TNFAIP8: variants seen among roughly 807,000 people sequenced by gnomAD.
TNFAIP8 encodes the protein TNF alpha induced protein 8.
Under a neutral mutation model 13.3 loss-of-function variants are expected in TNFAIP8, and 7 were observed. The ratio of observed to expected loss-of-function variants is 0.52; its 90% CI spans 0.30 to 0.99. The LOEUF (loss-of-function observed/expected upper bound fraction) is 0.99. TNFAIP8 is among the 50% of genes least tolerant of loss of function. The probability of loss-of-function intolerance (pLI) is 0.07; values close to 1 mark genes in which losing one functional copy is unlikely to be tolerated. For synonymous variants in TNFAIP8, 94 were observed against 87.6 expected, an observed-to-expected ratio of 1.07 and a Z score of -0.41; for missense variants, 258 against 236.9, an observed-to-expected ratio of 1.09 and a Z score of -0.58.
chr5:119,384,425 T>C (rs1426863762), intron 1 of TNFAIP8, among the ~76,000 whole-genome samples: 1 of 152,000 alleles, frequency 6.6e-6, no homozygotes. Flanking sequence ...GGAGGTTGCA[T>C]TGAGCCGAGA....
rs760278894 is a variant in TNFAIP8, at chr5:119,393,012, C to T, written c.228C>T (p.Ile76=). The T allele has an allele frequency of 3.7e-6, 6 of 1,613,070 alleles. No homozygotes were observed. Among genetic ancestry groups the T allele is most frequent in the South Asian group, 2.2e-5 (2 of 90,962 alleles). Residue 76 remains isoleucine (I), a synonymous_variant, in exon 2 of 2, where the codon ATC becomes ATT. Coordinates refer to ENST00000504771, the MANE Select transcript of TNFAIP8 (RefSeq NM_014350.4). ...KEAEKIIKNL[I]KTVIKLAILY... ...CAGAGAAGATCATCAAGAACCTCATCAAGACAGTCATCAAGCTGGCCATTC... is the reference window on the plus strand; with the variant it reads ...CAGAGAAGATCATCAAGAACCTCATTAAGACAGTCATCAAGCTGGCCATTC...
chr5:119,348,735 C>T (rs1751001272), intron 1 of TNFAIP8, among the ~76,000 whole-genome samples: 1 of 151,986 alleles, frequency 6.6e-6, no homozygotes, highest in Non-Finnish European at 1.5e-5. Context: ...ACAAAATTAG[C>T]CAGGCAGGGT....
At chr5:119,299,959 G>A (rs777788441) in intron 1 of TNFAIP8, among the ~76,000 whole-genome samples, 17 of 152,216 alleles carry the variant, frequency 1.1e-4, no homozygotes, top group African/African-American at 3.4e-4. Flanking sequence ...TAGGCCCGTC[G>A]GAAAAGCGCA....
intron 1 of TNFAIP8, among the ~76,000 whole-genome samples, chr5:119,325,446 T>G (rs1171809866): frequency 6.6e-6 from 1 of 152,098 alleles, no homozygotes; most frequent in Non-Finnish European, 1.5e-5. Context: ...CTTAATTTGT[T>G]TATTTATTTA....
upstream of TNFAIP8, among the ~76,000 whole-genome samples, chr5:119,352,825 A>G (rs73237292): frequency 2.0e-5 from 3 of 152,028 alleles, no homozygotes; most frequent in African/African-American, 7.2e-5. Flanking sequence ...AACCAAGGTG[A>G]CTTGGAAAGT....
chr5:119,291,374 A>G (rs1748981652), intron 1 of TNFAIP8, among the ~76,000 whole-genome samples: 1 of 152,202 alleles, frequency 6.6e-6, no homozygotes, highest in Non-Finnish European at 1.5e-5. Context: ...CATAATTTAC[A>G]GTTAAGCATT....
Position 119,392,799 on chromosome 5 carries a change from T to C in TNFAIP8, c.32-17T>C. 2 of 1,493,736 alleles carry C rather than the reference T, an allele frequency of 1.3e-6. No homozygotes were observed. Among genetic ancestry groups the C allele is most frequent in the Non-Finnish European group, 1.8e-6 (2 of 1,122,374 alleles). 92.5% of individuals were successfully genotyped at this position (1,493,736 alleles called of 1,614,324 possible). On this transcript the variant is annotated splice_polypyrimidine_tract_variant and intron_variant, in intron 1 of 1. Transcript: ENST00000504771. ...TTACTAATTGTTAATTCTTTTCCTC[T>C]CTTTTTTTTTTTTTAGTGGCCACAG...
chr5:119,381,321 G>T (rs995999125), intron 1 of TNFAIP8, among the ~76,000 whole-genome samples: 6 of 152,182 alleles, frequency 3.9e-5, no homozygotes, highest in African/African-American at 1.4e-4. Context: ...ATGGCAGATT[G>T]TGTGAGCTCA....
rs550554604 is a variant in TNFAIP8, at chr5:119,276,847, G to A, written c.1+7940G>A. 6.1e-4 allele frequency among the ~76,000 whole-genome samples: 93 copies of A among 152,228 alleles called. 2 individuals are homozygous for A. Among genetic ancestry groups the A allele is most frequent in the African/African-American group, 2.0e-3 (84 of 41,534 alleles). On this transcript the variant is annotated intron_variant, in intron 1 of 1. Transcript: ENST00000274456. ...TGGTACATTTCAGTCTATAACAATC[G>A]CCTTTATAAAGGATATTAGTTGTCC...
chr5:119,387,616 T>C (rs1752731381), intron 1 of TNFAIP8, among the ~76,000 whole-genome samples: 1 of 152,250 alleles, frequency 6.6e-6, no homozygotes, highest in African/African-American at 2.4e-5. Flanking sequence ...AAAGGACTTT[T>C]TTTTCCTTCT....
chr5:119,357,610 T>G (rs893151976), intron 1 of TNFAIP8, among the ~76,000 whole-genome samples: 5 of 151,924 alleles, frequency 3.3e-5, no homozygotes, highest in Non-Finnish European at 5.9e-5. Context: ...ATCCACAGTC[T>G]TCCCTCCTCG....
exon 1 of TNFAIP8, chr5:119,268,856 A>G (rs1748169658): frequency 1.4e-6 from 1 of 701,160 alleles, no homozygotes; most frequent in African/African-American, 1.8e-5. Flanking sequence ...GGCGCCGCCA[A>G]ACAGCCCAGC....
intron 1 of TNFAIP8, among the ~76,000 whole-genome samples, chr5:119,276,988 T>G (rs1748474548): frequency 6.6e-6 from 1 of 152,202 alleles, no homozygotes; most frequent in East Asian, 1.9e-4. Context: ...ATGATAAAAT[T>G]TAATTTATAA....
At chr5:119,285,356 TCCAAAGC>T in intron 1 of TNFAIP8, among the ~76,000 whole-genome samples, 1 of 152,056 alleles carries the variant, frequency 6.6e-6, no homozygotes, top group Non-Finnish European at 1.5e-5. Flanking sequence ...AACCAGGGAG[TCCAAAGC>T]TACTGGTAGA....
intron 1 of TNFAIP8, among the ~76,000 whole-genome samples, chr5:119,304,752 T>C (rs1206569678): frequency 1.3e-5 from 2 of 152,232 alleles, no homozygotes; most frequent in Non-Finnish European, 2.9e-5. Context: ...TTATTTTCAG[T>C]TATCTTCTAT....
At chr5:119,388,001 G>T (rs905032237) in intron 1 of TNFAIP8, among the ~76,000 whole-genome samples, 10 of 152,086 alleles carry the variant, frequency 6.6e-5, no homozygotes, top group African/African-American at 2.4e-4. Flanking sequence ...TTTCTCCTTG[G>T]GGAACATCTC....
At chr5:119,315,786 C>T (rs1364778011) in intron 1 of TNFAIP8, among the ~76,000 whole-genome samples, 1 of 152,118 alleles carries the variant, frequency 6.6e-6, no homozygotes, top group Non-Finnish European at 1.5e-5. Context: ...TGAAGATGAA[C>T]CCCACCTCCA....
intron 1 of TNFAIP8, among the ~76,000 whole-genome samples, chr5:119,381,714 G>A (rs75810953): frequency 0.061 from 9,236 of 151,992 alleles, 270 homozygotes; most frequent in Middle Eastern, 0.095. Context: ...TGGCACTTTG[G>A]CCAGAGGAGT....
chr5:119,280,445 TAG>T (rs200714915), intron 1 of TNFAIP8, among the ~76,000 whole-genome samples: 4 of 152,088 alleles, frequency 2.6e-5, no homozygotes, highest in East Asian at 3.9e-4. Flanking sequence ...GTTTAATTTG[TAG>T]AGTTTCCCAC....
Sources: gnomAD v4.1 joint callset for allele counts (sites outside exome capture counted in the v4.1 genomes callset) on GRCh38, gnomAD v4.1.1 for gene constraint, MANE v1.5 for transcripts, NCBI Gene and HGNC (gene_info 2026-07-23, HGNC 2026-07-21) for gene names.